SLCO5A1: variants seen among roughly 807,000 people sequenced by gnomAD.
SLCO5A1 encodes solute carrier organic anion transporter family member 5A1, also known as organic anion transporter polypeptide-related protein 4.
In SLCO5A1, 39 loss-of-function variants were observed where a neutral mutation model predicts 65.1. The ratio of observed to expected loss-of-function variants is 0.60; its 90% CI spans 0.46 to 0.78. The LOEUF is 0.78. Among genes scored for constraint, SLCO5A1 ranks in the 30% least tolerant of loss-of-function variants. The probability of loss-of-function intolerance (pLI) is 0.00; values close to 1 mark genes in which losing one functional copy is unlikely to be tolerated. For missense variants in SLCO5A1, 1,029 were observed against 1,069.4 expected (o/e 0.96, Z 0.53); for synonymous variants, 438 against 415.7 (o/e 1.05, Z -0.65).
chr8:69,784,791 AAAAAAGAAAGAAAGAAAG>A (rs1818938075), intron 2 of SLCO5A1, among the ~76,000 whole-genome samples: 2 of 107,176 alleles, frequency 1.9e-5, no homozygotes, highest in African/African-American at 7.9e-5. Flanking sequence ...CTGTCTGAAA[AAAAAAGAAAGAAAGAAAG>A]AAAAAGAAAG....
chr8:69,706,984 T>C (rs1253083551), intron 5 of SLCO5A1, among the ~76,000 whole-genome samples: 3 of 151,936 alleles, frequency 2.0e-5, no homozygotes, highest in African/African-American at 4.8e-5. Flanking sequence ...CATGTCTCTA[T>C]TAAAAGTTCA....
chr8:69,677,946 A>C (rs1813616066), intron 8 of SLCO5A1, among the ~76,000 whole-genome samples: 1 of 151,572 alleles, frequency 6.6e-6, no homozygotes, highest in Non-Finnish European at 1.5e-5. Flanking sequence ...TGCACCCCCT[A>C]ATCTGGGCAG....
At chr8:69,793,970 T>C (rs1819383445) in intron 2 of SLCO5A1, 1 of 161,336 alleles carries the variant, frequency 6.2e-6, no homozygotes, top group Non-Finnish European at 1.3e-5. Flanking sequence ...CTAGATAATA[T>C]TACTATCCCT....
At chr8:69,682,017 C>A (rs1159770183) in intron 7 of SLCO5A1, among the ~76,000 whole-genome samples, 167 bp downstream of exon 7, 3 of 152,148 alleles carry the variant, frequency 2.0e-5, no homozygotes, top group African/African-American at 7.2e-5. Flanking sequence ...AAAATAATAG[C>A]AATGCATAAT....
rs1014583521 is a variant in SLCO5A1, at chr8:69,668,029, T to A, written c.*4840A>T. The A allele has an allele frequency of 6.6e-6, 1 of 152,248 alleles. No homozygotes were observed. Among genetic ancestry groups the A allele is most frequent in the African/African-American group, 2.4e-5 (1 of 41,464 alleles). 9.4% of individuals were successfully genotyped at this position (152,248 alleles called of 1,614,324 possible). A position where few individuals can be genotyped will look rare whatever the true frequency, so the allele number is the denominator to read the frequency against. Reference sequence around the variant, plus strand: ...GTGGTGAACATGCGTCATTAAATACTTTTTAGCACCAAGGCATTTTTTTTA... The same window carrying A: ...GTGGTGAACATGCGTCATTAAATACATTTTAGCACCAAGGCATTTTTTTTA... On this transcript the variant is annotated 3_prime_UTR_variant, in exon 10 of 10. Transcript: ENST00000260126.
intron 2 of SLCO5A1, among the ~76,000 whole-genome samples, chr8:69,778,108 G>T (rs529290055): frequency 5.3e-5 from 8 of 152,146 alleles, no homozygotes; most frequent in African/African-American, 1.9e-4. Context: ...GTATGTATAC[G>T]TATGAAAAGA....
At chr8:69,708,237 A>G (rs1815062012) in intron 5 of SLCO5A1, among the ~76,000 whole-genome samples, 1 of 152,232 alleles carries the variant, frequency 6.6e-6, no homozygotes, top group South Asian at 2.1e-4. Flanking sequence ...TCCTCACTCC[A>G]TCTTTTGTAG....
intron 2 of SLCO5A1, among the ~76,000 whole-genome samples, chr8:69,771,094 C>G (rs1361003735): frequency 2.0e-5 from 3 of 152,166 alleles, no homozygotes; most frequent in Non-Finnish European, 4.4e-5. Flanking sequence ...AAGCGATTCT[C>G]CTGCCTCAGC....
chr8:69,794,976 A>G (rs1221517295), intron 2 of SLCO5A1, among the ~76,000 whole-genome samples: 2 of 152,166 alleles, frequency 1.3e-5, no homozygotes, highest in Non-Finnish European at 2.9e-5. Context: ...ATCTCACAAT[A>G]ACTCACTCAA....
At chr8:69,834,309 A>G in intron 1 of SLCO5A1, 1 of 152,700 alleles carries the variant, frequency 6.5e-6, no homozygotes, top group Middle Eastern at 3.4e-3. Context: ...GCCGAGCTTC[A>G]CTACACTGGG....
At chr8:69,713,541 C>G (rs1476207433) in intron 5 of SLCO5A1, 1 of 152,180 alleles carries the variant, frequency 6.6e-6, no homozygotes, top group African/African-American at 2.4e-5. Context: ...ATGTTGATTA[C>G]ATGCCAGGTA....
At chr8:69,779,778 A>C (rs1485837211) in intron 2 of SLCO5A1, among the ~76,000 whole-genome samples, 3 of 152,158 alleles carry the variant, frequency 2.0e-5, no homozygotes, top group Non-Finnish European at 4.4e-5. Context: ...TCCAAAACAC[A>C]AAAAGGTATC....
intron 6 of SLCO5A1, among the ~76,000 whole-genome samples, chr8:69,692,470 A>G (rs1814310377): frequency 6.6e-6 from 1 of 152,162 alleles, no homozygotes; most frequent in Non-Finnish European, 1.5e-5. Flanking sequence ...TTCTTTCTTC[A>G]ATAATAAATT....
chr8:69,804,473 C>A (rs1819902543), intron 2 of SLCO5A1, among the ~76,000 whole-genome samples: 3 of 151,972 alleles, frequency 2.0e-5, no homozygotes, highest in Admixed American at 6.6e-5. Context: ...GCCACCACAC[C>A]CCTGACTAAT....
intron 4 of SLCO5A1, among the ~76,000 whole-genome samples, chr8:69,742,055 G>C (rs182198585): frequency 6.6e-6 from 1 of 152,162 alleles, no homozygotes; most frequent in Non-Finnish European, 1.5e-5. Flanking sequence ...TTATATAGGA[G>C]AGTGTTCTTG....
intron 2 of SLCO5A1, among the ~76,000 whole-genome samples, chr8:69,803,435 C>A (rs143887966): frequency 6.6e-6 from 1 of 151,572 alleles, no homozygotes; most frequent in Non-Finnish European, 1.5e-5. Flanking sequence ...AAAATTAGCC[C>A]GGCATGGTGC....
At position 69,832,355 on chromosome 8, in the gene SLCO5A1, C is replaced by G. The variant is rs1416847252; in HGVS notation, c.319G>C (p.Val107Leu). ...TGGAGCATGGCCAAGGCGGAGGACA[C>G]CGAGAAGGTTTTGCTGAGGTCCACC... is the stretch of plus-strand genomic sequence containing the variant. ...HRVDLSKTFS[V>L]SSALAMLQER... is the part of the protein sequence containing the mutation. The change falls in exon 2 of 10, where the codon GTG becomes CTG. Residue 107 changes from valine to leucine, a missense_variant. By Grantham distance (32) the Val-to-Leu change is conservative. Around this residue, in one of 3 missense-constraint regions of SLCO5A1, gnomAD observed 647 missense variants for 647.5 expected, o/e 1.00. Transcript: ENST00000260126. The surrounding 1 kb of genome is among the most constrained non-coding windows in gnomAD (Gnocchi z 4.5). The G allele has an allele frequency of 6.2e-7, 1 of 1,614,030 alleles. No individual in the cohort carries two copies. Among genetic ancestry groups the G allele is most frequent in the Non-Finnish European group, 8.5e-7 (1 of 1,179,946 alleles).
intron 5 of SLCO5A1, among the ~76,000 whole-genome samples, chr8:69,712,375 T>A (rs1441019374): frequency 1.3e-5 from 2 of 152,178 alleles, no homozygotes; most frequent in African/African-American, 4.8e-5. Context: ...TTATGAAAAA[T>A]TAATATTTAT....
rs747665021 is a variant in SLCO5A1, at chr8:69,673,338, GAGA to G, written c.2090-15_2090-13del. 2 of 1,599,452 alleles carry G rather than the reference GAGA, an allele frequency of 1.3e-6. No homozygotes were observed. The highest frequency in any genetic ancestry group is 8.6e-7 in the Non-Finnish European group (1 of 1,169,230). On this transcript the variant is annotated splice_polypyrimidine_tract_variant and intron_variant, in intron 9 of 9. Coordinates refer to ENST00000260126, the MANE Select transcript of SLCO5A1 (RefSeq NM_030958.3). ...AGTAGGAATGTATGCTAGAGGGGTG[GAGA>G]AGAAGAAAATACGAAGACTTAGCAC...
Sources: gnomAD v4.1 joint callset for allele counts (sites outside exome capture counted in the v4.1 genomes callset) on GRCh38, gnomAD v4.1.1 for gene constraint, gnomAD v4.1.1 regional missense constraint, Gnocchi (gnomAD v3.1) non-coding constraint, MANE v1.5 for transcripts, NCBI Gene and HGNC (gene_info 2026-07-23, HGNC 2026-07-21) for gene names.